LINC00305: variants seen among roughly 807,000 people sequenced by gnomAD.
LINC00305 encodes the protein long independently transcribed non-coding RNA 305.
chr18:64,082,664 C>T (rs1317497511), intron 3 of LINC00305, among the ~76,000 whole-genome samples: 1 of 152,108 alleles, frequency 6.6e-6, no homozygotes, highest in Non-Finnish European at 1.5e-5. Flanking sequence ...TCAGCCTAGT[C>T]CTCTTTCCAG....
At chr18:64,116,005 C>G (rs2051336024) in intron 1 of LINC00305, among the ~76,000 whole-genome samples, 1 of 152,138 alleles carries the variant, frequency 6.6e-6, no homozygotes, top group Non-Finnish European at 1.5e-5. Flanking sequence ...GGCCAATAAG[C>G]CAACAGATGC....
At chr18:64,146,851 G>T (rs2051500618) in intron 1 of LINC00305, among the ~76,000 whole-genome samples, 1 of 152,126 alleles carries the variant, frequency 6.6e-6, no homozygotes, top group African/African-American at 2.4e-5. Flanking sequence ...AAGTGTGTGT[G>T]TGTGTTTATT....
intron 3 of LINC00305, among the ~76,000 whole-genome samples, chr18:64,086,515 G>T (rs979908169): frequency 6.6e-6 from 1 of 152,222 alleles, no homozygotes; most frequent in African/African-American, 2.4e-5. Context: ...TTGCTTGAAA[G>T]GGTACCAATA....
At chr18:64,098,163 A>G (rs1279657558) in intron 2 of LINC00305, 4 of 343,544 alleles carry the variant, frequency 1.2e-5, no homozygotes, top group Non-Finnish European at 2.3e-5. Flanking sequence ...CTATCCATCT[A>G]ATCTGAAGCC....
At chr18:64,147,786 G>A (rs577593721) in intron 1 of LINC00305, among the ~76,000 whole-genome samples, 2 of 152,150 alleles carry the variant, frequency 1.3e-5, no homozygotes, top group Non-Finnish European at 1.5e-5. Context: ...AGCTGCTTAA[G>A]TGACTACAGC....
chr18:64,084,455 C>T (rs1029265912), intron 3 of LINC00305, among the ~76,000 whole-genome samples: 6 of 151,948 alleles, frequency 3.9e-5, no homozygotes, highest in East Asian at 1.9e-4. Context: ...GTAACAATAC[C>T]GCACATGTAC....
chr18:64,103,612 T>C (rs1367389931), intron 1 of LINC00305, among the ~76,000 whole-genome samples: 2 of 152,222 alleles, frequency 1.3e-5, no homozygotes, highest in Non-Finnish European at 2.9e-5. Context: ...TTGTAGAATA[T>C]TATACTTACC....
intron 1 of LINC00305, among the ~76,000 whole-genome samples, chr18:64,111,360 T>C (rs1349941853): frequency 6.6e-6 from 1 of 152,158 alleles, no homozygotes; most frequent in African/African-American, 2.4e-5. Context: ...TCCTCACCTC[T>C]GTATGCCCAG....
intron 1 of LINC00305, among the ~76,000 whole-genome samples, chr18:64,133,313 T>TA (rs1214901905): frequency 6.6e-6 from 1 of 152,166 alleles, no homozygotes; most frequent in Non-Finnish European, 1.5e-5. Context: ...TTACAACAAG[T>TA]ACCCAGACCA....
In LINC00305 at chr18:64,081,805, A is replaced by C. The variant is rs144457923; in HGVS notation, n.541-1403T>G. On this transcript the variant is annotated intron_variant and non_coding_transcript_variant, in intron 3 of 3. Transcript: ENST00000666468. ...TCTGGGGCGACAGCTAGCCCACGTA[A>C]CGCCCTTGTACACAGTGGAGAAAGC... 2.5e-4 allele frequency among the ~76,000 whole-genome samples: 38 copies of C among 152,340 alleles called. 1 individual carries two copies. In the Middle Eastern group the frequency reaches 0.014, roughly 55 times the overall value.
At chr18:64,088,891 C>G (rs1364111603) in intron 3 of LINC00305, among the ~76,000 whole-genome samples, 1 of 152,072 alleles carries the variant, frequency 6.6e-6, no homozygotes, top group Admixed American at 6.6e-5. Context: ...AAAAAAGGGA[C>G]AGGAAGGTGA....
At position 64,144,297 on chromosome 18, in the gene LINC00305, A is replaced by G. The variant is rs141809779; in HGVS notation, n.314+4478T>C. On this transcript the variant is annotated intron_variant and non_coding_transcript_variant, in intron 1 of 3. Coordinates refer to ENST00000666468, the Ensembl canonical transcript of LINC00305. The stretch of plus-strand genomic sequence containing the variant: ...AGGTAGGCAGAATAATGGCCCTTAA[A>G]GATGTTCACATCCTAATCTCTGGAA... Among the ~76,000 whole-genome samples the G allele has an allele frequency of 8.1e-3, 1,235 of 152,238 alleles. 17 individuals carry two copies. The highest frequency in any genetic ancestry group is 0.029 in the African/African-American group (1,186 of 41,532).
At chr18:64,106,009 G>T (rs2051288999) in intron 1 of LINC00305, among the ~76,000 whole-genome samples, 1 of 152,222 alleles carries the variant, frequency 6.6e-6, no homozygotes, top group South Asian at 2.1e-4. Context: ...ATGTAACATT[G>T]TTTCCAATGA....
chr18:64,135,768 T>C (rs531991925), intron 1 of LINC00305, among the ~76,000 whole-genome samples: 91 of 152,138 alleles, frequency 6.0e-4, no homozygotes, highest in South Asian at 3.5e-3. Context: ...ATATTTTTAG[T>C]AGAGACAGGT....
At chr18:64,098,395 C>T (rs759540677) in intron 2 of LINC00305, among the ~76,000 whole-genome samples, 2 of 152,082 alleles carry the variant, frequency 1.3e-5, no homozygotes, top group Non-Finnish European at 2.9e-5. Flanking sequence ...GGATCACACA[C>T]CAGTTCCACA....
intron 1 of LINC00305, among the ~76,000 whole-genome samples, chr18:64,103,624 T>C (rs543167509): frequency 6.6e-6 from 1 of 152,354 alleles, no homozygotes; most frequent in African/African-American, 2.4e-5. Flanking sequence ...ATACTTACCC[T>C]ACTTTCTCTC....
intron 1 of LINC00305, among the ~76,000 whole-genome samples, chr18:64,125,465 T>C (rs2051380560): frequency 6.6e-6 from 1 of 152,170 alleles, no homozygotes; most frequent in Non-Finnish European, 1.5e-5. Flanking sequence ...TCTCAAATAT[T>C]TATCCCTTAA....
At chr18:64,131,926 A>G (rs1678088485) in intron 1 of LINC00305, among the ~76,000 whole-genome samples, 1 of 152,174 alleles carries the variant, frequency 6.6e-6, no homozygotes, top group Non-Finnish European at 1.5e-5. Context: ...GAAGAAGTAA[A>G]TTATCTTCCC....
At chr18:64,098,460 A>C (rs560986990) in intron 2 of LINC00305, 1 of 408,218 alleles carries the variant, frequency 2.4e-6, no homozygotes, top group Admixed American at 3.4e-5. Context: ...AAGTGAGTTC[A>C]TGTACTCATA....
Sources: allele counts gnomAD v4.1 joint callset (sites outside exome capture counted in the v4.1 genomes callset), GRCh38; gene constraint gnomAD v4.1.1; transcripts MANE v1.5; gene names NCBI Gene and HGNC (gene_info 2026-07-23, HGNC 2026-07-21).